Variants in CLYBL observed in about 807,000 individuals in gnomAD.
The protein encoded by CLYBL is citramalyl-CoA lyase, mitochondrial.
In CLYBL, 31 loss-of-function variants were observed where a neutral mutation model predicts 38.9. The ratio of observed to expected loss-of-function variants is 0.80; its 90% CI spans 0.60 to 1.08. The LOEUF (loss-of-function observed/expected upper bound fraction) is 1.08. Among genes scored for constraint, CLYBL ranks in the 50% least tolerant of loss-of-function variants. The probability of loss-of-function intolerance (pLI) is 0.00; values close to 1 mark genes in which losing one functional copy is unlikely to be tolerated. For missense variants in CLYBL, 434 were observed against 411.6 expected (o/e 1.05, Z -0.47); for synonymous variants, 171 against 158.6 (o/e 1.08, Z -0.59).
intron 2 of CLYBL, among the ~76,000 whole-genome samples, chr13:99,788,230 C>T (rs1208309243): frequency 2.0e-5 from 3 of 152,150 alleles, no homozygotes; most frequent in African/African-American, 7.2e-5. Flanking sequence ...GAACTTCCAA[C>T]ACTATGTTGA....
chr13:99,800,469 G>C (rs536443642), intron 2 of CLYBL, among the ~76,000 whole-genome samples: 8 of 152,324 alleles, frequency 5.3e-5, no homozygotes, highest in Admixed American at 5.2e-4. Context: ...GAGAGGTGGA[G>C]AGAAATCCTG....
At chr13:99,695,030 T>G (rs2047958491) in intron 1 of CLYBL, among the ~76,000 whole-genome samples, 1 of 152,228 alleles carries the variant, frequency 6.6e-6, no homozygotes, top group Non-Finnish European at 1.5e-5. Context: ...AGGTTCCTCA[T>G]CCATCCCACC....
chr13:99,648,274 A>G (rs993868034), intron 1 of CLYBL, among the ~76,000 whole-genome samples: 1 of 152,206 alleles, frequency 6.6e-6, no homozygotes, highest in Non-Finnish European at 1.5e-5. Context: ...CTATGCCTTT[A>G]ACTTTTCAAG....
intron 1 of CLYBL, among the ~76,000 whole-genome samples, chr13:99,720,563 T>C (rs535086416): frequency 1.3e-5 from 2 of 152,352 alleles, no homozygotes; most frequent in South Asian, 4.1e-4. Flanking sequence ...GGTCTAACAA[T>C]AGTAACTTTC....
intron 1 of CLYBL, among the ~76,000 whole-genome samples, chr13:99,693,552 G>A (rs1224673170): frequency 6.6e-6 from 1 of 151,944 alleles, no homozygotes; most frequent in Non-Finnish European, 1.5e-5. Flanking sequence ...TCCCCACAAC[G>A]GCAGTGATGT....
At chr13:99,610,268 A>T (rs2046605992) in intron 1 of CLYBL, among the ~76,000 whole-genome samples, 1 of 152,234 alleles carries the variant, frequency 6.6e-6, no homozygotes, top group African/African-American at 2.4e-5. Flanking sequence ...TGATTTAATT[A>T]GTAAGTCCAA....
At chr13:99,630,471 A>C (rs927645185) in intron 1 of CLYBL, among the ~76,000 whole-genome samples, 1 of 152,126 alleles carries the variant, frequency 6.6e-6, no homozygotes, top group African/African-American at 2.4e-5. Flanking sequence ...GACGTGCTAA[A>C]AGTGGAGAAG....
chr13:99,682,062 T>A (rs2047742990), intron 1 of CLYBL, among the ~76,000 whole-genome samples: 1 of 152,310 alleles, frequency 6.6e-6, no homozygotes, highest in Non-Finnish European at 1.5e-5. Flanking sequence ...GTATGGCTTA[T>A]TGCCCCTCTG....
At chr13:99,646,382 A>AG (rs2047176287) in intron 1 of CLYBL, among the ~76,000 whole-genome samples, 1 of 152,020 alleles carries the variant, frequency 6.6e-6, no homozygotes, top group Non-Finnish European at 1.5e-5. Flanking sequence ...AGGGTTAATG[A>AG]GGATGTGTGT....
At chr13:99,753,337 C>A (rs935206546) in intron 1 of CLYBL, among the ~76,000 whole-genome samples, 4 of 152,058 alleles carry the variant, frequency 2.6e-5, no homozygotes, top group African/African-American at 9.7e-5. Flanking sequence ...TTTTTAAAGT[C>A]CAGACTGGCT....
intron 1 of CLYBL, among the ~76,000 whole-genome samples, chr13:99,764,890 A>G (rs1415545234): frequency 1.3e-5 from 2 of 149,766 alleles, no homozygotes; most frequent in African/African-American, 2.5e-5. Flanking sequence ...AGGTCTCGCT[A>G]TGTTGTCCAG....
intron 1 of CLYBL, among the ~76,000 whole-genome samples, chr13:99,641,084 A>T (rs543941480): frequency 6.6e-6 from 1 of 152,222 alleles, no homozygotes; most frequent in Non-Finnish European, 1.5e-5. Flanking sequence ...ACAGTTTTCT[A>T]TTGAGCGTTC....
At chr13:99,784,449 C>CTCTTTTTTTTTTTTTTTTTT (rs71121010) in intron 2 of CLYBL, among the ~76,000 whole-genome samples, 4 of 52,124 alleles carry the variant, frequency 7.7e-5, no homozygotes, top group Non-Finnish European at 1.5e-4. Context: ...AAAATTCTCT[C>CTCTTTTTTTTTTTTTTTTTT]TTTTTTTTTT....
chr13:99,874,476 T>C (rs972908571), intron 7 of CLYBL, among the ~76,000 whole-genome samples: 16 of 152,148 alleles, frequency 1.1e-4, no homozygotes, highest in Admixed American at 7.2e-4. Context: ...CCATTAATAT[T>C]TGAAAATTCT....
intron 2 of CLYBL, among the ~76,000 whole-genome samples, chr13:99,854,789 G>A (rs2051418915): frequency 6.6e-6 from 1 of 152,280 alleles, no homozygotes; most frequent in South Asian, 2.1e-4. Context: ...TACGTCACCA[G>A]AGCGTGTCTC....
chr13:99,772,808 A>G lies in CLYBL; in HGVS notation c.63-16A>G, dbSNP rs1277154821. 4 of 1,574,812 alleles carry G rather than the reference A, an allele frequency of 2.5e-6. 1 individual carries two copies. The highest frequency in any genetic ancestry group is 2.4e-5 in the South Asian group (2 of 84,400). On this transcript the variant is annotated splice_polypyrimidine_tract_variant and intron_variant, in intron 1 of 8. Coordinates refer to ENST00000339105, the MANE Select transcript of CLYBL (RefSeq NM_206808.5). ...GAAATCTCATTCTGGACTAACCCCAATCACGTGTCTTGCAGGAAAGCGTCT... is the reference window on the plus strand; with the variant it reads ...GAAATCTCATTCTGGACTAACCCCAGTCACGTGTCTTGCAGGAAAGCGTCT...
At chr13:99,882,243 G>A (rs1421451666) in intron 7 of CLYBL, among the ~76,000 whole-genome samples, 1 of 152,150 alleles carries the variant, frequency 6.6e-6, no homozygotes, top group Non-Finnish European at 1.5e-5. Flanking sequence ...AAAAGCCTTA[G>A]ATTCTAGTCT....
intron 2 of CLYBL, among the ~76,000 whole-genome samples, chr13:99,784,355 T>G (rs1055376556): frequency 6.6e-6 from 1 of 152,122 alleles, no homozygotes; most frequent in Non-Finnish European, 1.5e-5. Context: ...AGGTCTGATA[T>G]AGGTATTTGA....
intron 1 of CLYBL, among the ~76,000 whole-genome samples, chr13:99,664,527 G>A (rs1024218746): frequency 2.0e-5 from 3 of 152,214 alleles, no homozygotes; most frequent in Non-Finnish European, 2.9e-5. Flanking sequence ...ATACCTTTGC[G>A]TAGTACTTTA....
Sources: gnomAD v4.1 joint callset for allele counts (sites outside exome capture counted in the v4.1 genomes callset) on GRCh38, gnomAD v4.1.1 for gene constraint, MANE v1.5 for transcripts, NCBI Gene and HGNC (gene_info 2026-07-23, HGNC 2026-07-21) for gene names.